Variants in INSYN2B observed in about 807,000 individuals in gnomAD.
INSYN2B encodes protein INSYN2B.
INSYN2B carries 16 observed loss-of-function variants against 41.2 expected under a neutral mutation model. The observed-to-expected ratio is 0.39, with a 90% CI of 0.26 to 0.59. The LOEUF is 0.59. Among genes scored for constraint, INSYN2B ranks in the 20% least tolerant of loss-of-function variants. INSYN2B has a pLI of 0.57. For missense variants in INSYN2B, 608 were observed against 646.4 expected (o/e 0.94, Z 0.64); for synonymous variants, 245 against 244.4 (o/e 1.00, Z -0.02).
At chr5:169,933,040 A>C (rs1775829118) in intron 1 of INSYN2B, among the ~76,000 whole-genome samples, 1 of 152,222 alleles carries the variant, frequency 6.6e-6, no homozygotes, top group African/African-American at 2.4e-5. Context: ...AGGTATTGGC[A>C]GGCAAAATTA....
At chr5:169,962,690 A>G (rs946745355) in intron 1 of INSYN2B, among the ~76,000 whole-genome samples, 2 of 152,210 alleles carry the variant, frequency 1.3e-5, no homozygotes, top group African/African-American at 2.4e-5. Context: ...ATTGGAAAAT[A>G]CGGCACTAAA....
chr5:169,874,742 A>G (rs757269554), intron 3 of INSYN2B, among the ~76,000 whole-genome samples: 2 of 152,140 alleles, frequency 1.3e-5, no homozygotes, highest in Non-Finnish European at 2.9e-5. Flanking sequence ...CTGGATTGCC[A>G]ATCAGTTTCT....
At chr5:169,927,569 A>G (rs980443860) in intron 1 of INSYN2B, among the ~76,000 whole-genome samples, 6 of 152,232 alleles carry the variant, frequency 3.9e-5, no homozygotes, top group African/African-American at 1.2e-4. Context: ...AGAATCAAAG[A>G]TAATTCTAAA....
intron 1 of INSYN2B, among the ~76,000 whole-genome samples, chr5:169,895,936 A>G (rs1465928592): frequency 3.9e-5 from 6 of 152,186 alleles, no homozygotes; most frequent in African/African-American, 1.2e-4. Context: ...TGGCCTGGAG[A>G]TGTCCCCGAT....
At chr5:169,953,635 A>G (rs6555878) in intron 1 of INSYN2B, among the ~76,000 whole-genome samples, 55,219 of 151,948 alleles carry the variant, frequency 0.36, 11,813 homozygotes, top group African/African-American at 0.61. Context: ...TGGGCAGAAG[A>G]GTTCACAGAG....
At chr5:169,939,321 A>G (rs1037620785) in intron 1 of INSYN2B, among the ~76,000 whole-genome samples, 1 of 151,670 alleles carries the variant, frequency 6.6e-6, no homozygotes, top group Non-Finnish European at 1.5e-5. Context: ...CCACCTCCAC[A>G]TCTGGTCTCA....
intron 1 of INSYN2B, among the ~76,000 whole-genome samples, chr5:169,908,988 A>G (rs993995388): frequency 6.6e-6 from 1 of 152,202 alleles, no homozygotes; most frequent in African/African-American, 2.4e-5. Context: ...TCTGGCAGAG[A>G]GAGCCACTGT....
intron 3 of INSYN2B, chr5:169,875,438 G>C (rs368368218): frequency 7.8e-5 from 30 of 384,114 alleles, no homozygotes; most frequent in African/African-American, 5.9e-4. Context: ...AGTGACAATC[G>C]AACATTCCAC....
intron 1 of INSYN2B, among the ~76,000 whole-genome samples, chr5:169,898,309 T>C (rs1229465625): frequency 1.3e-5 from 2 of 152,164 alleles, no homozygotes; most frequent in African/African-American, 4.8e-5. Flanking sequence ...CTCAGCACCA[T>C]GTGATTGGTG....
At chr5:169,885,910 T>TA (rs1360085587) in intron 1 of INSYN2B, among the ~76,000 whole-genome samples, 3 of 152,306 alleles carry the variant, frequency 2.0e-5, no homozygotes, top group African/African-American at 7.2e-5. Flanking sequence ...CCCTTAGACT[T>TA]ACGGGGAAAT....
At chr5:169,955,538 T>C (rs1414444681) in intron 1 of INSYN2B, among the ~76,000 whole-genome samples, 2 of 152,220 alleles carry the variant, frequency 1.3e-5, no homozygotes, top group African/African-American at 2.4e-5. Context: ...GTATTTTCTC[T>C]TGGTCATTAG....
intron 1 of INSYN2B, among the ~76,000 whole-genome samples, chr5:169,958,982 G>A (rs1216776404): frequency 6.6e-6 from 1 of 152,194 alleles, no homozygotes; most frequent in Non-Finnish European, 1.5e-5. Flanking sequence ...AAATCAAACA[G>A]CTCCCGTTAG....
intron 1 of INSYN2B, among the ~76,000 whole-genome samples, chr5:169,927,427 G>A (rs10214247): frequency 0.048 from 7,285 of 152,224 alleles, 461 homozygotes; most frequent in African/African-American, 0.14. Flanking sequence ...ATGTGGTGCC[G>A]ATGCTACTGG....
At chr5:169,951,259 C>T (rs1776654283) in intron 1 of INSYN2B, among the ~76,000 whole-genome samples, 2 of 152,236 alleles carry the variant, frequency 1.3e-5, no homozygotes, top group Admixed American at 6.5e-5. Flanking sequence ...TGTGGACAGT[C>T]TCAGGGATTC....
At chr5:169,904,490 G>A (rs1179872583) in intron 1 of INSYN2B, among the ~76,000 whole-genome samples, 1 of 152,110 alleles carries the variant, frequency 6.6e-6, no homozygotes, top group Non-Finnish European at 1.5e-5. Context: ...GGGGAAGGGT[G>A]CAGACAGGCA....
intron 1 of INSYN2B, among the ~76,000 whole-genome samples, chr5:169,913,708 G>A (rs1454359817): frequency 9.9e-6 from 1 of 100,554 alleles, no homozygotes. Context: ...GTCTTACCAC[G>A]CCCTCTGCCT....
intron 1 of INSYN2B, among the ~76,000 whole-genome samples, chr5:169,949,848 T>C (rs574478252): frequency 6.6e-6 from 1 of 151,964 alleles, no homozygotes; most frequent in East Asian, 1.9e-4. Context: ...GTTTCATTTT[T>C]GAAGTGGCAA....
chr5:169,918,596 T>C (rs1423591677), intron 1 of INSYN2B, among the ~76,000 whole-genome samples: 1 of 152,216 alleles, frequency 6.6e-6, no homozygotes, highest in African/African-American at 2.4e-5. Context: ...TTGTCCAATA[T>C]GATACTGTTT....
chr5:169,908,713 C>CTTTTTTTTTTTTTT (rs34261104), intron 1 of INSYN2B, among the ~76,000 whole-genome samples: 32 of 105,044 alleles, frequency 3.0e-4, no homozygotes, highest in Middle Eastern at 4.7e-3. Flanking sequence ...TTTCTTTTTT[C>CTTTTTTTTTTTTTT]TTTTTTTTTT....
Sources: gnomAD v4.1 joint callset for allele counts (sites outside exome capture counted in the v4.1 genomes callset) on GRCh38, gnomAD v4.1.1 for gene constraint, MANE v1.5 for transcripts, NCBI Gene and HGNC (gene_info 2026-07-23, HGNC 2026-07-21) for gene names.